Variants in MEIS3 observed in about 807,000 individuals in gnomAD.
The protein encoded by MEIS3 is homeobox protein Meis3.
A neutral mutation model predicts 51.4 loss-of-function variants in MEIS3; 38 were observed. That is an observed-to-expected ratio of 0.74 (90% CI 0.57 to 0.97). MEIS3 has a LOEUF of 0.97. Ranked by LOEUF, MEIS3 falls within the 50% of genes least tolerant of loss-of-function variation. MEIS3 has a pLI of 0.00. For synonymous variants in MEIS3, 198 were observed against 201.8 expected (o/e 0.98, Z 0.16); for missense variants, 456 against 502.6 (o/e 0.91, Z 0.89).
chr19:47,406,882 G>C lies in MEIS3; in HGVS notation c.1078+6C>G. ...GGCGGGGCCTAGCTAAGGGGGCGAG[G>C]CTTACCCGGAGGCCGGACGGCCACG... On this transcript the variant is annotated splice_donor_region_variant and intron_variant, in intron 11 of 12. Coordinates refer to ENST00000558555, the MANE Select transcript of MEIS3 (RefSeq NM_001301059.2). 3 of 1,566,112 alleles carry C rather than the reference G, an allele frequency of 1.9e-6. No homozygotes were observed. The highest frequency in any genetic ancestry group is 2.6e-6 in the Non-Finnish European group (3 of 1,158,682).
upstream of MEIS3, among the ~76,000 whole-genome samples, chr19:47,420,260 C>T (rs1971655492): frequency 1.3e-5 from 2 of 152,346 alleles, no homozygotes; most frequent in South Asian, 4.1e-4. Context: ...GCTCCACCCC[C>T]ACCTCACCCT....
chr19:47,416,602 G>A (rs1971421638), intron 4 of MEIS3, 50 bp downstream of exon 4: 1 of 1,418,462 alleles, frequency 7.0e-7, no homozygotes, highest in Non-Finnish European at 9.5e-7. Context: ...GGGGCGTCAG[G>A]GAAGGAGACC....
upstream of MEIS3, among the ~76,000 whole-genome samples, chr19:47,420,163 C>T (rs1191998355): frequency 6.6e-6 from 1 of 152,198 alleles, no homozygotes; most frequent in Admixed American, 6.5e-5. Flanking sequence ...TGCCTTTCCT[C>T]AAGGCCGGCG....
chr19:47,416,762 C>A (rs372257631), intron 3 of MEIS3, 42 bp downstream of exon 3: 2 of 1,612,862 alleles, frequency 1.2e-6, no homozygotes, highest in Non-Finnish European at 1.7e-6. Context: ...CCCCTCCTCG[C>A]TGGCTCTCTG....
chr19:47,414,697 G>A lies in MEIS3; in HGVS notation c.597+20C>T, dbSNP rs1406316732. The A allele has an allele frequency of 8.3e-6, 13 of 1,571,984 alleles. No homozygotes were observed. The highest frequency in any genetic ancestry group is 1.4e-5 in the African/African-American group (1 of 74,036). The stretch of plus-strand genomic sequence containing the variant: ...CAGCTGTGGCTGCAGGACGATGCCT[G>A]GTGCCCGTCCCGGGCCCACCTGGTC... On this transcript the variant is annotated intron_variant, in intron 6 of 12. Transcript: ENST00000558555.
chr19:47,407,141 G>A lies in MEIS3; in HGVS notation c.936-4C>T. On this transcript the variant is annotated splice_polypyrimidine_tract_variant and splice_region_variant and intron_variant, in intron 9 of 12. Coordinates refer to ENST00000558555, the MANE Select transcript of MEIS3 (RefSeq NM_001301059.2). ...GCGTCTCCGGGCGTTAATGAACCTG[G>A]GAGGCGGTCATGGAAACGGAGGGGA... 6.2e-7 allele frequency: 1 copy of A among 1,608,882 alleles called. No individual in the cohort carries two copies. Among genetic ancestry groups the A allele is most frequent in the Non-Finnish European group, 8.5e-7 (1 of 1,178,110 alleles).
chr19:47,408,971 A>G (rs1426997846), intron 8 of MEIS3, 128 bp downstream of exon 8: 3 of 1,078,470 alleles, frequency 2.8e-6, no homozygotes, highest in East Asian at 4.7e-5. Context: ...CTCCACCTCC[A>G]TGAGAGTCTC....
upstream of MEIS3, among the ~76,000 whole-genome samples, chr19:47,420,890 T>G (rs890497732): frequency 8.3e-6 from 1 of 120,210 alleles, no homozygotes; most frequent in Admixed American, 9.1e-5. Flanking sequence ...TCTCTGTCTC[T>G]CGCTCTCTCT....
upstream of MEIS3, among the ~76,000 whole-genome samples, chr19:47,420,599 A>T (rs541051149): frequency 2.6e-4 from 33 of 125,894 alleles, no homozygotes; most frequent in East Asian, 6.2e-3. Context: ...GACAGACAGG[A>T]GGGGGAGGGA....
chr19:47,415,129 A>G, intron 4 of MEIS3, 28 bp from the exon 5 acceptor site: 2 of 973,006 alleles, frequency 2.1e-6, no homozygotes, highest in Non-Finnish European at 1.4e-6. Flanking sequence ...AGGTGGGGGG[A>G]GACAGAGGGA....
chr19:47,420,958 T>A (rs1359148530), upstream of MEIS3, among the ~76,000 whole-genome samples: 1 of 141,398 alleles, frequency 7.1e-6, no homozygotes, highest in African/African-American at 2.6e-5. Context: ...TCTCTCTCTC[T>A]CTCTCTCTCT....
At chr19:47,407,651 G>C in intron 8 of MEIS3, 3 of 1,198,494 alleles carry the variant, frequency 2.5e-6, no homozygotes, top group Non-Finnish European at 3.4e-6. Flanking sequence ...CCAGCAATTA[G>C]AGGTTAACTG....
intron 6 of MEIS3, among the ~76,000 whole-genome samples, chr19:47,413,112 C>T (rs556124961): frequency 2.6e-5 from 4 of 151,086 alleles, no homozygotes; most frequent in African/African-American, 7.3e-5. Flanking sequence ...GGCTCCAGGA[C>T]TTGGCCGGCT....
chr19:47,410,054 G>A (rs935821147), intron 6 of MEIS3, among the ~76,000 whole-genome samples: 8 of 151,540 alleles, frequency 5.3e-5, no homozygotes, highest in Non-Finnish European at 1.2e-4. Context: ...CGCCTGTAAT[G>A]CCAGCACTTT....
At position 47,409,539 on chromosome 19, in the gene MEIS3, C is replaced by A; in HGVS notation, c.606G>T (p.Met202Ile). 1 of 1,612,836 alleles carries A rather than the reference C, an allele frequency of 6.2e-7. No individual in the cohort carries two copies. Among genetic ancestry groups the A allele is most frequent in the Non-Finnish European group, 8.5e-7 (1 of 1,178,804 alleles). The change falls in exon 7 of 13, where the codon ATG (methionine) becomes ATT (isoleucine). Residue 202 changes from methionine to isoleucine, a missense_variant. Physicochemically the swap from Met to Ile is conservative, Grantham distance 10 (BLOSUM62 1). Coordinates refer to ENST00000558555, the MANE Select transcript of MEIS3 (RefSeq NM_001301059.2). ...SCPSLPDQNN[M>I]WIRDHEDSGS... is the part of the protein sequence containing the mutation. ...CACTATCCTCATGGTCTCGAATCCA[C>A]ATATTATTCTAGAAAACAAGAGTTA...
chr19:47,416,455 G>A (rs866631655), intron 4 of MEIS3, 197 bp downstream of exon 4: 13 of 540,246 alleles, frequency 2.4e-5, no homozygotes, highest in Middle Eastern at 4.8e-4. Context: ...TGGCAGAGCT[G>A]GGATTTGAAC....
At chr19:47,410,194 T>C (rs988906154) in intron 6 of MEIS3, among the ~76,000 whole-genome samples, 4 of 151,958 alleles carry the variant, frequency 2.6e-5, no homozygotes, top group African/African-American at 9.7e-5. Flanking sequence ...ACACCTATAA[T>C]CCCAGCACTT....
intron 12 of MEIS3, 46 bp downstream of exon 12, chr19:47,406,414 T>G (rs562357906): frequency 6.5e-7 from 1 of 1,545,472 alleles, no homozygotes; most frequent in African/African-American, 1.4e-5. Flanking sequence ...TGAGGTCTAA[T>G]GGAGGTTTGA....
upstream of MEIS3, among the ~76,000 whole-genome samples, chr19:47,421,883 C>T (rs374216340): frequency 2.6e-5 from 4 of 151,746 alleles, no homozygotes; most frequent in Non-Finnish European, 5.9e-5. Context: ...CCTTCCTCTC[C>T]CTCTCTCCGC....
Sources: allele counts gnomAD v4.1 joint callset (sites outside exome capture counted in the v4.1 genomes callset), GRCh38; gene constraint gnomAD v4.1.1; transcripts MANE v1.5; gene names NCBI Gene and HGNC (gene_info 2026-07-23, HGNC 2026-07-21).